The following TMEM135 variants were observed in gnomAD, a reference collection of about 807,000 sequenced individuals.
The protein encoded by TMEM135 is transmembrane protein 135.
Under a neutral mutation model 60.3 loss-of-function variants are expected in TMEM135, and 30 were observed. The observed-to-expected ratio is 0.50, with a 90% CI of 0.37 to 0.68. TMEM135 has a LOEUF of 0.68. TMEM135 is among the 30% of genes least tolerant of loss of function. TMEM135 has a pLI of 0.00. For synonymous variants in TMEM135, 190 were observed against 186.7 expected, an observed-to-expected ratio of 1.02 and a Z score of -0.14; for missense variants, 468 against 548.8, an observed-to-expected ratio of 0.85 and a Z score of 1.47.
intron 6 of TMEM135, among the ~76,000 whole-genome samples, chr11:87,274,996 T>C (rs1941942587): frequency 6.6e-6 from 1 of 151,480 alleles, no homozygotes; most frequent in Non-Finnish European, 1.5e-5. Flanking sequence ...AATTTTAACT[T>C]CTTTTTTTGT....
chr11:87,260,157 C>T (rs1333992598), intron 6 of TMEM135, among the ~76,000 whole-genome samples: 3 of 152,162 alleles, frequency 2.0e-5, no homozygotes, highest in Non-Finnish European at 4.4e-5. Context: ...AAAAATCAGA[C>T]AGTGGAAAAC....
At chr11:87,082,021 T>C (rs1857003155) in intron 3 of TMEM135, among the ~76,000 whole-genome samples, 1 of 152,242 alleles carries the variant, frequency 6.6e-6, no homozygotes, top group South Asian at 2.1e-4. Flanking sequence ...GAGATAGCTC[T>C]GTAGTTCTTT....
intron 3 of TMEM135, among the ~76,000 whole-genome samples, chr11:87,079,187 G>T (rs1856934472): frequency 6.6e-6 from 1 of 151,948 alleles, no homozygotes; most frequent in Admixed American, 6.6e-5. Context: ...TGTATTTCTA[G>T]TATTGATGGG....
At chr11:87,140,482 G>T (rs957227733) in intron 4 of TMEM135, among the ~76,000 whole-genome samples, 1 of 152,158 alleles carries the variant, frequency 6.6e-6, no homozygotes, top group African/African-American at 2.4e-5. Context: ...TAGTTGTTCT[G>T]CCTCCTTCTA....
chr11:87,068,158 A>G (rs976213994), intron 2 of TMEM135, among the ~76,000 whole-genome samples: 1 of 152,204 alleles, frequency 6.6e-6, no homozygotes, highest in Non-Finnish European at 1.5e-5. Flanking sequence ...GCAACTGTCT[A>G]TGACATGGGT....
intron 7 of TMEM135, 149 bp from the exon 8 acceptor site, chr11:87,302,147 G>A: frequency 3.6e-6 from 3 of 842,334 alleles, no homozygotes; most frequent in African/African-American, 1.7e-5. Context: ...TTCTTCATAG[G>A]ATGATTTGAT....
chr11:87,197,820 T>G (rs143510610), intron 5 of TMEM135, among the ~76,000 whole-genome samples: 241 of 152,278 alleles, frequency 1.6e-3, no homozygotes, highest in African/African-American at 5.7e-3. Flanking sequence ...TTTTTTTTAT[T>G]TGTATGTTAT....
At chr11:87,235,193 A>T (rs573710374) in intron 5 of TMEM135, among the ~76,000 whole-genome samples, 5 of 152,020 alleles carry the variant, frequency 3.3e-5, no homozygotes, top group African/African-American at 1.2e-4. Context: ...GCTTTAAGTT[A>T]TGTTTCTAAA....
At chr11:87,083,177 C>A (rs1392337962) in intron 3 of TMEM135, among the ~76,000 whole-genome samples, 1 of 152,108 alleles carries the variant, frequency 6.6e-6, no homozygotes, top group Non-Finnish European at 1.5e-5. Flanking sequence ...TTAATCGCAT[C>A]ATTGTGGGGT....
At chr11:87,141,962 G>A (rs1012366725) in intron 4 of TMEM135, among the ~76,000 whole-genome samples, 2 of 152,280 alleles carry the variant, frequency 1.3e-5, no homozygotes, top group South Asian at 4.1e-4. Context: ...GGGTACAAGA[G>A]GAATCTGAGG....
At chr11:87,178,417 G>A (rs758800134) in intron 5 of TMEM135, 5 of 455,942 alleles carry the variant, frequency 1.1e-5, no homozygotes, top group Middle Eastern at 3.2e-4. Flanking sequence ...TTTTGAGTCT[G>A]CCTTCCTTTC....
At chr11:87,067,927 C>CT (rs1203233076) in intron 2 of TMEM135, 106 bp downstream of exon 2, 6 of 1,394,846 alleles carry the variant, frequency 4.3e-6, no homozygotes, top group Non-Finnish European at 6.0e-6. Flanking sequence ...CCCGCCCCCC[C>CT]TTTTTTTAAT....
chr11:87,259,381 T>G (rs1941596360), intron 6 of TMEM135: 1 of 299,098 alleles, frequency 3.3e-6, no homozygotes, highest in African/African-American at 2.2e-5. Context: ...ATTTTATGTG[T>G]GTGTGTATAT....
At chr11:87,164,290 T>C (rs1213713109) in intron 5 of TMEM135, among the ~76,000 whole-genome samples, 2 of 110,608 alleles carry the variant, frequency 1.8e-5, no homozygotes, top group Non-Finnish European at 3.5e-5. Context: ...ATTTATTAAA[T>C]AGGGAATCCT....
At chr11:87,305,793 AAAT>A (rs1372001947) in intron 8 of TMEM135, 140 bp from the exon 9 acceptor site, 3 of 373,276 alleles carry the variant, frequency 8.0e-6, no homozygotes, top group Non-Finnish European at 1.4e-5. Flanking sequence ...ATAAATAAAT[AAAT>A]AAATAAATAA....
At chr11:87,303,248 T>A (rs72959877) in intron 8 of TMEM135, among the ~76,000 whole-genome samples, 1 of 152,114 alleles carries the variant, frequency 6.6e-6, no homozygotes, top group Non-Finnish European at 1.5e-5. Context: ...ACAAACCCCA[T>A]TGTGAACTGC....
intron 5 of TMEM135, among the ~76,000 whole-genome samples, chr11:87,217,352 T>C (rs1224859844): frequency 2.0e-5 from 3 of 152,192 alleles, no homozygotes; most frequent in Admixed American, 1.3e-4. Flanking sequence ...GTAGAAGTTA[T>C]ATATTTGAAG....
At chr11:87,126,298 C>G (rs1298439300) in intron 4 of TMEM135, among the ~76,000 whole-genome samples, 2 of 152,056 alleles carry the variant, frequency 1.3e-5, no homozygotes, top group Non-Finnish European at 2.9e-5. Flanking sequence ...TTTAGAAGTT[C>G]ATACTATTAT....
chr11:87,234,327 T>A (rs1940949102), intron 5 of TMEM135, among the ~76,000 whole-genome samples: 1 of 152,094 alleles, frequency 6.6e-6, no homozygotes, highest in African/African-American at 2.4e-5. Context: ...ATAAGTTCCA[T>A]GAGGGCAAAG....
Sources: gnomAD v4.1 joint callset for allele counts (sites outside exome capture counted in the v4.1 genomes callset) on GRCh38, gnomAD v4.1.1 for gene constraint, MANE v1.5 for transcripts, NCBI Gene and HGNC (gene_info 2026-07-23, HGNC 2026-07-21) for gene names.